The following FAM91A1 variants were observed in gnomAD, a reference collection of about 807,000 sequenced individuals.
FAM91A1 encodes family with sequence similarity 91 member A1.
Under a neutral mutation model 113.5 loss-of-function variants are expected in FAM91A1, and 41 were observed. The ratio of observed to expected loss-of-function variants is 0.36; its 90% confidence interval spans 0.28 to 0.47. The LOEUF is 0.47. Ranked by LOEUF, FAM91A1 falls within the 20% of genes least tolerant of loss-of-function variation. The pLI, the probability that FAM91A1 is intolerant of heterozygous loss-of-function variation, is 1.00. For synonymous variants in FAM91A1, 307 were observed against 347.9 expected (o/e 0.88, Z 1.31); for missense variants, 696 against 1,001.2 (o/e 0.70, Z 4.11).
intron 22 of FAM91A1, 147 bp downstream of exon 22, chr8:123,809,163 G>A (rs1815888300): frequency 8.1e-7 from 1 of 1,231,324 alleles, no homozygotes; most frequent in African/African-American, 1.5e-5. Flanking sequence ...TAGTTTAAGG[G>A]TTTTGCTGTA....
In FAM91A1 at chr8:123,778,707, G is replaced by C. The variant is rs1208307498; in HGVS notation, c.484G>C (p.Val162Leu). 1.9e-6 allele frequency: 3 copies of C among 1,609,822 alleles called. No individual in the cohort carries two copies. The highest frequency in any genetic ancestry group is 3.3e-5 in the Admixed American group (2 of 59,752). The change falls in exon 6 of 24, where the codon GTG (valine) becomes CTG (leucine). Residue 162 changes from valine (V) to leucine (L), a missense_variant. Val to Leu is a conservative substitution (Grantham distance 32, BLOSUM62 1). Coordinates refer to ENST00000334705, the MANE Select transcript of FAM91A1 (RefSeq NM_144963.4). ...TARDLLPIKP[V>L]EIAIEAWWVV... Reference sequence around the variant, plus strand: ...CCGTGATCTTCTACCAATAAAGCCAGTGGAAATTGCCATAGAGGCGTGGTG... The same window carrying C: ...CCGTGATCTTCTACCAATAAAGCCACTGGAAATTGCCATAGAGGCGTGGTG...
chr8:123,770,150 A>T (rs1303121101), intron 1 of FAM91A1, among the ~76,000 whole-genome samples: 2 of 152,084 alleles, frequency 1.3e-5, no homozygotes, highest in South Asian at 2.1e-4. Flanking sequence ...ACGGGGTTTC[A>T]TCATGTTGGC....
intron 2 of FAM91A1, among the ~76,000 whole-genome samples, chr8:123,774,870 T>A (rs1018995973): frequency 2.6e-5 from 4 of 152,206 alleles, no homozygotes; most frequent in Admixed American, 6.5e-5. Flanking sequence ...AGCTCTGTTT[T>A]GTACCTTTTT....
chr8:123,783,094 T>C (rs1187687364), intron 8 of FAM91A1, among the ~76,000 whole-genome samples: 3 of 152,152 alleles, frequency 2.0e-5, no homozygotes, highest in Non-Finnish European at 4.4e-5. Flanking sequence ...GAGGATTGCT[T>C]GAGCCTGGGA....
intron 18 of FAM91A1, among the ~76,000 whole-genome samples, chr8:123,804,921 G>T (rs1185383004): frequency 3.3e-5 from 5 of 152,198 alleles, no homozygotes; most frequent in Non-Finnish European, 7.3e-5. Context: ...TGATTATGGG[G>T]ATTCTTCCAC....
chr8:123,811,550 A>G (rs528693105), intron 23 of FAM91A1: 3 of 152,106 alleles, frequency 2.0e-5, no homozygotes, highest in Non-Finnish European at 2.9e-5. Context: ...AAACTTGATG[A>G]TGAATTAAAT....
At chr8:123,808,612 A>G in intron 21 of FAM91A1, 1 of 505,452 alleles carries the variant, frequency 2.0e-6, no homozygotes, top group Non-Finnish European at 3.4e-6. Context: ...CATCTTACAG[A>G]TATCTTGCAA....
intron 23 of FAM91A1, 174 bp downstream of exon 23, chr8:123,810,525 G>T (rs562763487): frequency 2.8e-6 from 2 of 715,792 alleles, no homozygotes; most frequent in South Asian, 1.6e-5. Flanking sequence ...CATTTCACTC[G>T]CCAGGTCTTC....
chr8:123,805,996 G>C, intron 19 of FAM91A1, 84 bp from the exon 20 acceptor site: 1 of 1,298,100 alleles, frequency 7.7e-7, no homozygotes, highest in East Asian at 2.5e-5. Flanking sequence ...GTAGTTCTAA[G>C]AGTTGTTTAA....
Position 123,813,086 on chromosome 8 carries a change from A to G in FAM91A1, c.*382A>G, listed in dbSNP as rs1815998057. 2 of 154,648 alleles carry G rather than the reference A, an allele frequency of 1.3e-5. No homozygotes were observed. The highest frequency in any genetic ancestry group is 2.1e-4 in the South Asian group (1 of 4,858). The allele number at this position is 154,648 out of a possible 1,614,324, so 9.6% of individuals were successfully genotyped here. The stretch of plus-strand genomic sequence containing the variant: ...TGTTTAATTTTATATTTTGTTACCT[A>G]TACTTTGGGGGATCAAGGGAAGAGA... On this transcript the variant is annotated 3_prime_UTR_variant, in exon 24 of 24. Transcript: ENST00000334705.
intron 23 of FAM91A1, 58 bp from the exon 24 acceptor site, chr8:123,812,452 CATTAGTTAT>C: frequency 7.3e-7 from 1 of 1,369,310 alleles, no homozygotes; most frequent in South Asian, 1.5e-5. Context: ...CTCTCTTTCT[CATTAGTTAT>C]ATTAAGTGGT....
At chr8:123,808,448 G>A (rs994642048) in intron 21 of FAM91A1, 72 bp downstream of exon 21, 2 of 1,239,578 alleles carry the variant, frequency 1.6e-6, no homozygotes, top group Non-Finnish European at 2.3e-6. Context: ...TAAGGCATTT[G>A]CATGCCATTT....
intron 18 of FAM91A1, among the ~76,000 whole-genome samples, chr8:123,802,068 C>A (rs1815697602): frequency 6.6e-6 from 1 of 152,044 alleles, no homozygotes; most frequent in Non-Finnish European, 1.5e-5. Context: ...AGAAGTTGAC[C>A]TGTAGATTGA....
At chr8:123,788,153 AAT>A (rs1230909590) in intron 14 of FAM91A1, 1 of 971,124 alleles carries the variant, frequency 1.0e-6, no homozygotes, top group African/African-American at 1.8e-5. Flanking sequence ...AATCTGGAAC[AAT>A]ATCCCTGGGT....
At chr8:123,785,021 A>G in intron 9 of FAM91A1, 60 bp from the exon 10 acceptor site, 3 of 1,285,694 alleles carry the variant, frequency 2.3e-6, no homozygotes, top group East Asian at 2.4e-5. Flanking sequence ...GTCTATTACA[A>G]CTGTGTAATG....
intron 20 of FAM91A1, among the ~76,000 whole-genome samples, chr8:123,808,018 C>T (rs1815853072): frequency 6.6e-6 from 1 of 152,134 alleles, no homozygotes; most frequent in African/African-American, 2.4e-5. Context: ...TAATTCTTTT[C>T]TGTGGAGGAT....
intron 21 of FAM91A1, chr8:123,808,616 C>G: frequency 2.0e-6 from 1 of 502,906 alleles, no homozygotes; most frequent in Non-Finnish European, 3.5e-6. Flanking sequence ...TTACAGATAT[C>G]TTGCAATACT....
At chr8:123,782,927 T>C (rs1171710922) in intron 8 of FAM91A1, among the ~76,000 whole-genome samples, 4 of 152,176 alleles carry the variant, frequency 2.6e-5, no homozygotes, top group African/African-American at 9.7e-5. Context: ...CCCAGTACTT[T>C]GGGAAGCCAA....
chr8:123,797,628 CAT>C (rs1815560720), intron 15 of FAM91A1, among the ~76,000 whole-genome samples: 1 of 152,052 alleles, frequency 6.6e-6, no homozygotes, highest in Non-Finnish European at 1.5e-5. Flanking sequence ...GTACATATAA[CAT>C]ATAAAATATG....
Sources: allele counts gnomAD v4.1 joint callset (sites outside exome capture counted in the v4.1 genomes callset), GRCh38; gene constraint gnomAD v4.1.1; transcripts MANE v1.5; gene names NCBI Gene and HGNC (gene_info 2026-07-23, HGNC 2026-07-21).